The following MAGI1 variants were observed in gnomAD, a reference collection of about 807,000 sequenced individuals.
The protein encoded by MAGI1 is membrane-associated guanylate kinase, WW and PDZ domain-containing protein 1.
In MAGI1, 58 loss-of-function variants were observed where a neutral mutation model predicts 139.9. That is an observed-to-expected ratio of 0.41 (90% CI 0.34 to 0.52). The LOEUF is 0.52. Ranked by LOEUF, MAGI1 falls within the 20% of genes least tolerant of loss-of-function variation. The probability of loss-of-function intolerance (pLI) is 0.12; values close to 1 mark genes in which losing one functional copy is unlikely to be tolerated. For missense variants in MAGI1, 1,874 were observed against 1,901.6 expected, an observed-to-expected ratio of 0.99 and a Z score of 0.27; for synonymous variants, 812 against 737.9, an observed-to-expected ratio of 1.10 and a Z score of -1.63.
At chr3:65,685,054 T>C (rs1311961282) in intron 1 of MAGI1, among the ~76,000 whole-genome samples, 2 of 151,866 alleles carry the variant, frequency 1.3e-5, no homozygotes, top group Middle Eastern at 3.4e-3. Flanking sequence ...CTGATTGCAA[T>C]ATTATACTAT....
chr3:65,735,873 C>A lies in MAGI1; in HGVS notation c.314-113785G>T, dbSNP rs780421294. Among the ~76,000 whole-genome samples the A allele has an allele frequency of 1.3e-3, 202 of 152,162 alleles. 4 individuals carry two copies. Among genetic ancestry groups the A allele is most frequent in the Non-Finnish European group, 4.1e-4 (28 of 68,042 alleles). ...GCCAGGTTATCAAGCACTTTACAGG[C>A]ACCATGTCAATAACTGAAGCCTCTG... On this transcript the variant is annotated intron_variant, in intron 1 of 22. Coordinates refer to ENST00000402939, the MANE Select transcript of MAGI1 (RefSeq NM_001033057.2).
chr3:65,827,634 G>A (rs2042298223), intron 1 of MAGI1, among the ~76,000 whole-genome samples: 1 of 152,002 alleles, frequency 6.6e-6, no homozygotes, highest in Non-Finnish European at 1.5e-5. Context: ...GAATCAAAAG[G>A]GTCAAACACA....
chr3:65,481,162 C>T (rs1056040382), intron 3 of MAGI1, among the ~76,000 whole-genome samples: 2 of 152,222 alleles, frequency 1.3e-5, no homozygotes, highest in African/African-American at 4.8e-5. Flanking sequence ...GTAATCTATC[C>T]TTATCTTCAA....
At position 65,979,088 on chromosome 3, in the gene MAGI1, T is replaced by TCCCCC. The variant is rs200894076; in HGVS notation, c.313+58903_313+58907dup. Among the ~76,000 whole-genome samples the TCCCCC allele has an allele frequency of 3.5e-3, 183 of 52,872 alleles. 1 individual carries two copies. The highest frequency in any genetic ancestry group is 0.014 in the East Asian group (21 of 1,480). 34.7% of individuals were successfully genotyped at this position (52,872 alleles called of 152,430 possible). Reference sequence around the variant, plus strand: ...AACAGCCAAAGTTTTTTTCTTTTCTTCCCCCCCCCCGCCACCCCCCACAGC... The same window carrying TCCCCC: ...AACAGCCAAAGTTTTTTTCTTTTCTTCCCCCCCCCCCCCCCGCCACCCCCCACAGC... On this transcript the variant is annotated intron_variant, in intron 1 of 22. Transcript: ENST00000402939.
intron 3 of MAGI1, among the ~76,000 whole-genome samples, chr3:65,481,992 T>C (rs1167991226): frequency 6.6e-6 from 1 of 152,244 alleles, no homozygotes; most frequent in African/African-American, 2.4e-5. Flanking sequence ...AAGTAGATAA[T>C]ATTAGATTGA....
At chr3:65,907,337 C>A (rs934878436) in intron 1 of MAGI1, among the ~76,000 whole-genome samples, 75 of 152,250 alleles carry the variant, frequency 4.9e-4, no homozygotes, top group African/African-American at 1.8e-3. Context: ...CAGGCTGAGA[C>A]CTGGTAAGGC....
In MAGI1 at chr3:65,772,490, G is replaced by C. The variant is rs573517041; in HGVS notation, c.314-150402C>G. Among the ~76,000 whole-genome samples, 17 of 152,278 alleles carry C rather than the reference G, an allele frequency of 1.1e-4. No homozygotes were observed. The South Asian group carries it at 1.7e-3, about 15-fold the overall frequency. On this transcript the variant is annotated intron_variant, in intron 1 of 22. Coordinates refer to ENST00000402939, the MANE Select transcript of MAGI1 (RefSeq NM_001033057.2). ...CAATGTAGGCAAAAGACCTAACTGA[G>C]CCAACTGAGTTCTCTGCAGAGAATG...
intron 1 of MAGI1, among the ~76,000 whole-genome samples, chr3:65,639,664 G>C (rs1187481001): frequency 6.6e-6 from 1 of 152,102 alleles, no homozygotes. Flanking sequence ...CCAATCAGTT[G>C]AAGGACTGAA....
At chr3:65,711,209 C>A (rs2031364494) in intron 1 of MAGI1, among the ~76,000 whole-genome samples, 2 of 152,122 alleles carry the variant, frequency 1.3e-5, no homozygotes, top group African/African-American at 4.8e-5. Context: ...ATGAAGCTTG[C>A]AGTCTAGAAG....
chr3:65,535,050 G>A (rs896218470), intron 2 of MAGI1, among the ~76,000 whole-genome samples: 5 of 151,900 alleles, frequency 3.3e-5, no homozygotes, highest in Non-Finnish European at 5.9e-5. Context: ...AATAACTCTG[G>A]CAGAATCCAA....
intron 2 of MAGI1, among the ~76,000 whole-genome samples, chr3:65,517,039 C>CT (rs1027039510): frequency 3.9e-5 from 6 of 152,166 alleles, no homozygotes; most frequent in African/African-American, 1.4e-4. Context: ...CATCCCACCT[C>CT]TTTAAGGGGG....
chr3:65,974,442 G>C (rs1330498334), intron 1 of MAGI1, among the ~76,000 whole-genome samples: 1 of 150,766 alleles, frequency 6.6e-6, no homozygotes, highest in East Asian at 2.0e-4. Context: ...TGGATGCATG[G>C]ATTAACCAAC....
intron 2 of MAGI1, among the ~76,000 whole-genome samples, chr3:65,517,020 G>C (rs575982361): frequency 6.6e-6 from 1 of 151,730 alleles, no homozygotes; most frequent in South Asian, 2.1e-4. Context: ...GAGCCACCGC[G>C]CCCGGCCCCA....
intron 2 of MAGI1, among the ~76,000 whole-genome samples, chr3:65,497,574 T>C (rs1400223084): frequency 6.8e-6 from 1 of 147,060 alleles, no homozygotes; most frequent in African/African-American, 2.5e-5. Context: ...ACTTAATCCA[T>C]CTTGAAAAAA....
rs117603829 is a variant in MAGI1 at position 65,964,228 on chromosome 3, C to A, written c.313+73768G>T. On this transcript the variant is annotated intron_variant, in intron 1 of 22. Transcript: ENST00000402939. Reference sequence around the variant, plus strand: ...CAGTAATTACCTTAGCGTCAGAGATCCACAAACAAAAACAATGTTAAGACT... The same window carrying A: ...CAGTAATTACCTTAGCGTCAGAGATACACAAACAAAAACAATGTTAAGACT... 4.5e-4 allele frequency among the ~76,000 whole-genome samples: 69 copies of A among 152,236 alleles called. No individual in the cohort carries two copies. In the East Asian group the frequency reaches 0.012, roughly 26 times the overall value.
chr3:65,667,274 C>A (rs1394986443), intron 1 of MAGI1, among the ~76,000 whole-genome samples: 4 of 152,026 alleles, frequency 2.6e-5, no homozygotes, highest in Admixed American at 2.0e-4. Context: ...ATGGGTGGAC[C>A]AGCATGGGAG....
intron 3 of MAGI1, among the ~76,000 whole-genome samples, chr3:65,489,979 A>G (rs1415045051): frequency 6.6e-6 from 1 of 152,186 alleles, no homozygotes; most frequent in Non-Finnish European, 1.5e-5. Context: ...GAACCAGCAG[A>G]GGTCTGGAGA....
In MAGI1 at chr3:65,361,240, C is replaced by T. The variant is rs1339656333; in HGVS notation, c.3593G>A (p.Arg1198His). 2.0e-5 allele frequency: 33 copies of T among 1,614,164 alleles called. No homozygotes were observed. The highest frequency in any genetic ancestry group is 2.5e-5 in the Non-Finnish European group (30 of 1,180,002). ...GCCGTCTCCCCGCTTCAGAAACAGA[C>T]GAACTCTGCGGCCACCATTCTTAAT... Reference protein sequence around the residue: ...ELIKNGGRRVRLFLKRGDGSV... With the variant: ...ELIKNGGRRVHLFLKRGDGSV... Residue 1198 changes from arginine to histidine, a missense_variant, in exon 22 of 23, where the codon CGT (arginine) becomes CAT (histidine). Around this residue, in one of 5 missense-constraint regions of MAGI1, gnomAD observed 653 missense variants for 644.5 expected, o/e 1.01. Coordinates refer to ENST00000402939, the MANE Select transcript of MAGI1 (RefSeq NM_001033057.2).
rs568793094 is a variant in MAGI1, at chr3:65,777,626, A to G, written c.314-155538T>C. Among the ~76,000 whole-genome samples the G allele has an allele frequency of 1.6e-4, 22 of 134,142 alleles. 1 individual carries two copies. In the South Asian group the frequency reaches 2.6e-3, roughly 16 times the overall value. 88.0% of individuals were successfully genotyped at this position (134,142 alleles called of 152,430 possible). A position where few individuals can be genotyped will look rare whatever the true frequency, so the allele number is the denominator to read the frequency against. On this transcript the variant is annotated intron_variant, in intron 1 of 22. Coordinates refer to ENST00000402939, the MANE Select transcript of MAGI1 (RefSeq NM_001033057.2). The stretch of plus-strand genomic sequence containing the variant: ...CACTGCACTCCAGCCTGGGCAACAG[A>G]GTGAGACTCTTATCACAAAAAAAAA...
Sources: allele counts gnomAD v4.1 joint callset (sites outside exome capture counted in the v4.1 genomes callset), GRCh38; gene constraint gnomAD v4.1.1; regional missense constraint gnomAD v4.1.1; transcripts MANE v1.5; gene names NCBI Gene and HGNC (gene_info 2026-07-23, HGNC 2026-07-21).